The following LGI2 variants were observed in gnomAD, a reference collection of about 807,000 sequenced individuals.
LGI2 encodes leucine rich repeat LGI family member 2, also known as leucine-rich repeat LGI family member 2.
In LGI2, 30 loss-of-function variants were observed where a neutral mutation model predicts 52.0. The ratio of observed to expected loss-of-function variants is 0.58; its 90% CI spans 0.43 to 0.78. The LOEUF (loss-of-function observed/expected upper bound fraction) is 0.78, where lower values mean the gene tolerates loss of function less well. Ranked by LOEUF, LGI2 falls within the 30% of genes least tolerant of loss-of-function variation. The pLI is 0.00. For synonymous variants in LGI2, 270 were observed against 271.8 expected (o/e 0.99, Z 0.06); for missense variants, 573 against 692.5 (o/e 0.83, Z 1.94).
downstream of LGI2, among the ~76,000 whole-genome samples, chr4:24,993,849 A>G (rs1379094497): frequency 6.6e-6 from 1 of 152,356 alleles, no homozygotes; most frequent in African/African-American, 2.4e-5. Flanking sequence ...GGCAGTAAAC[A>G]TAAGGAAGAA....
intron 4 of LGI2, among the ~76,000 whole-genome samples, chr4:25,020,656 A>G (rs1391798027): frequency 3.3e-5 from 5 of 152,240 alleles, no homozygotes; most frequent in African/African-American, 1.2e-4. Context: ...AGAAGGATGA[A>G]TTAAAGAAAT....
intron 6 of LGI2, among the ~76,000 whole-genome samples, chr4:25,012,750 G>C (rs748601652): frequency 6.6e-6 from 1 of 152,238 alleles, no homozygotes; most frequent in Non-Finnish European, 1.5e-5. Flanking sequence ...ACAGCTTCCC[G>C]AGTTTGGCTA....
rs1278918265 is a variant in LGI2, at chr4:25,012,819, G to C, written c.656-320C>G. 3.3e-5 allele frequency among the ~76,000 whole-genome samples: 5 copies of C among 152,318 alleles called. No homozygotes were observed. In the East Asian group the frequency reaches 9.6e-4, roughly 29 times the overall value. ...ACTTGGCTTTCAAAGTGGTAAGACGGACAGGACGCTGCACAGCAACATTCT... is the reference window on the plus strand; with the variant it reads ...ACTTGGCTTTCAAAGTGGTAAGACGCACAGGACGCTGCACAGCAACATTCT... On this transcript the variant is annotated intron_variant, in intron 6 of 7. Coordinates refer to ENST00000382114, the MANE Select transcript of LGI2 (RefSeq NM_018176.4).
intron 7 of LGI2, among the ~76,000 whole-genome samples, chr4:25,006,781 G>A (rs756773204): frequency 9.9e-5 from 15 of 152,142 alleles, no homozygotes; most frequent in Admixed American, 2.6e-4. Flanking sequence ...GGGTAAAACC[G>A]AGGCACAGAG....
In LGI2 at chr4:25,000,352, G is replaced by C. The variant is rs952042017; in HGVS notation, c.*3099C>G. On this transcript the variant is annotated 3_prime_UTR_variant, in exon 8 of 8. Coordinates refer to ENST00000382114, the MANE Select transcript of LGI2 (RefSeq NM_018176.4). The stretch of plus-strand genomic sequence containing the variant: ...ATAACCATGGCAGGCAATTCATATA[G>C]TTTTCATGTCTATTTCCTTCTCTCT... 13 of 152,642 alleles carry C rather than the reference G, an allele frequency of 8.5e-5. No individual in the cohort carries two copies. Among genetic ancestry groups the C allele is most frequent in the African/African-American group, 2.2e-4 (9 of 41,434 alleles). The allele number at this position is 152,642 out of a possible 1,614,324, so 9.5% of individuals were successfully genotyped here. A position where few individuals can be genotyped will look rare whatever the true frequency, so the allele number is the denominator to read the frequency against.
chr4:25,005,639 G>T (rs1385372241), intron 7 of LGI2, among the ~76,000 whole-genome samples: 1 of 152,020 alleles, frequency 6.6e-6, no homozygotes, highest in African/African-American at 2.4e-5. Context: ...GCTTCTCCTG[G>T]GGTGGTGGGG....
In LGI2 at chr4:25,026,934, A is replaced by G; in HGVS notation, c.275T>C (p.Leu92Pro). Residue 92 changes from leucine to proline, a missense_variant, in exon 3 of 8, where the codon CTG (leucine) becomes CCG (proline). By Grantham distance (98) the Leu-to-Pro change is moderately conservative. Coordinates refer to ENST00000382114, the MANE Select transcript of LGI2 (RefSeq NM_018176.4). ...SHLPSLQLLL[L>P]NSNSFTIIRD... ...GATGATCGTGAATGAGTTAGAATTC[A>G]GCAATCTGAAAGTAAGAGACAGATT... The G allele has an allele frequency of 6.2e-7, 1 of 1,612,618 alleles. No individual in the cohort carries two copies. The highest frequency in any genetic ancestry group is 8.5e-7 in the Non-Finnish European group (1 of 1,178,584).
Position 25,003,246 on chromosome 4 carries a change from T to A in LGI2, c.*205A>T, listed in dbSNP as rs1046130233. The A allele has an allele frequency of 6.4e-6, 3 of 470,322 alleles. No individual in the cohort carries two copies. The highest frequency in any genetic ancestry group is 1.1e-5 in the Non-Finnish European group (3 of 270,162). The allele number at this position is 470,322 out of a possible 1,614,324, so 29.1% of individuals were successfully genotyped here. The stretch of plus-strand genomic sequence containing the variant: ...ACAGGCTTTAAGATTTTTTTTTAAA[T>A]GGTAGAATGGGCATGTCATGCAGTT... On this transcript the variant is annotated 3_prime_UTR_variant, in exon 8 of 8. Coordinates refer to ENST00000382114, the MANE Select transcript of LGI2 (RefSeq NM_018176.4).
chr4:25,011,014 C>G (rs1427237668), intron 7 of LGI2, among the ~76,000 whole-genome samples: 4 of 151,568 alleles, frequency 2.6e-5, no homozygotes, highest in Non-Finnish European at 5.9e-5. Flanking sequence ...CCCAGGAGTT[C>G]CAGGTTGCAA....
intron 2 of LGI2, 96 bp downstream of exon 2, chr4:25,028,411 A>T: frequency 9.2e-7 from 1 of 1,088,612 alleles, no homozygotes. Context: ...GAGCTGGGGT[A>T]CTTTAGGAAG....
At chr4:25,016,311 C>G (rs1725755781) in intron 6 of LGI2, among the ~76,000 whole-genome samples, 3 of 152,210 alleles carry the variant, frequency 2.0e-5, no homozygotes, top group Non-Finnish European at 4.4e-5. Context: ...AAGGGAAAAT[C>G]TGCAAATTTC....
the LGI2 span, among the ~76,000 whole-genome samples, chr4:24,992,476 G>A: frequency 1.3e-5 from 2 of 152,024 alleles, no homozygotes; most frequent in East Asian, 1.9e-4. Flanking sequence ...CACTTTGGGG[G>A]GCTGAGGCGG....
At chr4:25,008,602 T>A (rs1481639810) in intron 7 of LGI2, among the ~76,000 whole-genome samples, 1 of 141,230 alleles carries the variant, frequency 7.1e-6, no homozygotes, top group Non-Finnish European at 1.6e-5. Flanking sequence ...CTGAGTCCAA[T>A]ACAATGCTGA....
At chr4:25,027,997 T>C (rs1726202287) in intron 2 of LGI2, among the ~76,000 whole-genome samples, 1 of 152,198 alleles carries the variant, frequency 6.6e-6, no homozygotes, top group African/African-American at 2.4e-5. Flanking sequence ...TCCCTGAACC[T>C]CAGTTTCCTT....
At position 25,003,601 on chromosome 4, in the gene LGI2, C is replaced by G; in HGVS notation, c.1488G>C (p.Lys496Asn). The change falls in exon 8 of 8, where the codon AAG becomes AAC. Residue 496 changes from lysine (K) to asparagine (N), a missense_variant. Physicochemically the swap from Lys to Asn is moderately conservative, Grantham distance 94 (BLOSUM62 0). Coordinates refer to ENST00000382114, the MANE Select transcript of LGI2 (RefSeq NM_018176.4). Reference protein sequence around the residue: ...FSQIYQWDKEKQLFKKFKEIY... With the variant: ...FSQIYQWDKENQLFKKFKEIY... ...TCTCCTTAAACTTTTTGAATAGCTGCTTCTCTTTATCCCACTGGTATATCT... is the reference window on the plus strand; with the variant it reads ...TCTCCTTAAACTTTTTGAATAGCTGGTTCTCTTTATCCCACTGGTATATCT... 6.2e-7 allele frequency: 1 copy of G among 1,614,164 alleles called. No homozygotes were observed. The highest frequency in any genetic ancestry group is 8.5e-7 in the Non-Finnish European group (1 of 1,180,020).
chr4:25,004,799 C>A lies in LGI2; in HGVS notation c.821-531G>T, dbSNP rs1222920414. On this transcript the variant is annotated intron_variant, in intron 7 of 7. Transcript: ENST00000382114. The surrounding 1 kb of genome is among the most constrained non-coding windows in gnomAD (Gnocchi z 4.6). ...ATAAATTTCTGTTGCTTATAAGCCA[C>A]TCAGTCTACGGTATTCTGTTGCAGC... Among the ~76,000 whole-genome samples the A allele has an allele frequency of 6.6e-6, 1 of 152,192 alleles. No homozygotes were observed. The highest frequency in any genetic ancestry group is 1.5e-5 in the Non-Finnish European group (1 of 68,038).
chr4:25,020,807 G>T (rs1469983104), intron 4 of LGI2, among the ~76,000 whole-genome samples: 1 of 151,956 alleles, frequency 6.6e-6, no homozygotes, highest in East Asian at 1.9e-4. Flanking sequence ...GACCACAAAT[G>T]GATTTAAATA....
the LGI2 span, among the ~76,000 whole-genome samples, chr4:24,993,127 T>A: frequency 2.0e-5 from 3 of 152,202 alleles, no homozygotes; most frequent in African/African-American, 7.2e-5. Flanking sequence ...GAGGACCAAC[T>A]GAGATAATAG....
At chr4:25,026,551 C>A (rs1726157913) in intron 3 of LGI2, among the ~76,000 whole-genome samples, 1 of 152,062 alleles carries the variant, frequency 6.6e-6, no homozygotes, top group African/African-American at 2.4e-5. Flanking sequence ...CAAATCCATG[C>A]CTATTTATGA....
Sources: gnomAD v4.1 joint callset for allele counts (sites outside exome capture counted in the v4.1 genomes callset) on GRCh38, gnomAD v4.1.1 for gene constraint, Gnocchi (gnomAD v3.1) non-coding constraint, MANE v1.5 for transcripts, NCBI Gene and HGNC (gene_info 2026-07-23, HGNC 2026-07-21) for gene names.